The following SLC9A9 variants were observed in gnomAD, a reference collection of about 807,000 sequenced individuals.
SLC9A9 encodes the protein sodium/hydrogen exchanger 9.
In SLC9A9, 62 loss-of-function variants were observed where a neutral mutation model predicts 77.8. That is an observed-to-expected ratio of 0.80 (90% CI 0.65 to 0.98). The LOEUF is 0.98. Among genes scored for constraint, SLC9A9 ranks in the 50% least tolerant of loss-of-function variants. The pLI is 0.00. For missense variants in SLC9A9, 775 were observed against 774.9 expected, an observed-to-expected ratio of 1.00 and a Z score of 0.00; for synonymous variants, 320 against 283.5, an observed-to-expected ratio of 1.13 and a Z score of -1.29.
At chr3:143,343,013 C>T (rs59529984) in intron 14 of SLC9A9, among the ~76,000 whole-genome samples, 2,828 of 152,244 alleles carry the variant, frequency 0.019, 100 homozygotes, top group African/African-American at 0.065. Context: ...GATATCATTG[C>T]TATACATAGC....
chr3:143,751,142 A>C (rs905662869), intron 4 of SLC9A9, among the ~76,000 whole-genome samples: 14 of 152,164 alleles, frequency 9.2e-5, no homozygotes, highest in Non-Finnish European at 1.6e-4. Flanking sequence ...CCATAGTTTG[A>C]TATTGCAGGG....
intron 4 of SLC9A9, among the ~76,000 whole-genome samples, chr3:143,758,939 C>A (rs377151528): frequency 6.6e-6 from 1 of 152,018 alleles, no homozygotes; most frequent in Admixed American, 6.6e-5. Context: ...ATATCTGTAC[C>A]TTTTAATAAT....
At chr3:143,809,136 G>A (rs1294937460) in intron 2 of SLC9A9, among the ~76,000 whole-genome samples, 1 of 152,166 alleles carries the variant, frequency 6.6e-6, no homozygotes, top group Admixed American at 6.5e-5. Context: ...ATGCTTGAGG[G>A]ATGAAGCAGT....
At chr3:143,569,072 G>T (rs1278227042) in intron 8 of SLC9A9, among the ~76,000 whole-genome samples, 1 of 151,684 alleles carries the variant, frequency 6.6e-6, no homozygotes, top group Non-Finnish European at 1.5e-5. Flanking sequence ...TTCCTGGGTG[G>T]GAAGACTTGA....
rs1418576954 is a variant in SLC9A9 at position 143,839,579 on chromosome 3, CACAT to C, written c.176-7362_176-7359del. ...TATAGCACATATGTAAACATACATG[CACAT>C]ACATAGACACAACACACATGCAAGC... On this transcript the variant is annotated intron_variant, in intron 1 of 15. Coordinates refer to ENST00000316549, the MANE Select transcript of SLC9A9 (RefSeq NM_173653.4). Among the ~76,000 whole-genome samples the C allele has an allele frequency of 2.0e-5, 3 of 152,042 alleles. No individual in the cohort carries two copies. The South Asian group carries it at 6.2e-4, about 32-fold the overall frequency.
intron 6 of SLC9A9, among the ~76,000 whole-genome samples, chr3:143,606,434 CTCTATATATATA>C (rs1273644021): frequency 4.2e-4 from 22 of 52,954 alleles, no homozygotes; most frequent in Admixed American, 9.2e-4. Context: ...CTCTCTCTCT[CTCTATATATATA>C]TATATATATA....
chr3:143,771,407 A>G (rs1173158772), intron 4 of SLC9A9, among the ~76,000 whole-genome samples: 1 of 152,214 alleles, frequency 6.6e-6, no homozygotes, highest in Non-Finnish European at 1.5e-5. Flanking sequence ...TTAACCGAAG[A>G]AGGAAGGTGA....
At chr3:143,433,348 A>G (rs182912948) in intron 12 of SLC9A9, among the ~76,000 whole-genome samples, 5 of 152,288 alleles carry the variant, frequency 3.3e-5, no homozygotes, top group Admixed American at 2.6e-4. Flanking sequence ...CATTCAAAAA[A>G]TTGTGATTTT....
At chr3:143,465,822 A>G (rs2035271683) in intron 12 of SLC9A9, among the ~76,000 whole-genome samples, 1 of 152,244 alleles carries the variant, frequency 6.6e-6, no homozygotes, top group Admixed American at 6.5e-5. Context: ...TTATGTGCCT[A>G]GGAAGTAATT....
chr3:143,832,190 A>G lies in SLC9A9; in HGVS notation c.207T>C (p.Ala69=), dbSNP rs112237207. 13 of 1,612,606 alleles carry G rather than the reference A, an allele frequency of 8.1e-6. No individual in the cohort carries two copies. In the African/African-American group the frequency reaches 1.7e-4, roughly 22 times the overall value. ...CACTTTCAATATCAGTTGGTGCTGT[A>G]GCATATCGTAAAATTAGTCCCATTA... ...GLIMGLILRY[A]TAPTDIESGT... The change falls in exon 2 of 16, where the codon GCT becomes GCC. Residue 69 remains alanine (A), a synonymous_variant. Coordinates refer to ENST00000316549, the MANE Select transcript of SLC9A9 (RefSeq NM_173653.4).
chr3:143,669,692 G>A (rs532658800), intron 5 of SLC9A9, among the ~76,000 whole-genome samples: 17 of 152,300 alleles, frequency 1.1e-4, no homozygotes, highest in Non-Finnish European at 2.2e-4. Context: ...ACTTGACTGT[G>A]ATGTCAAACC....
rs151311114 is a variant in SLC9A9 at position 143,309,626 on chromosome 3, G to A, written c.1605-40646C>T. ...TTCTCATGTTTCTGTACTCTAGGGTGAATTCGCAGATGTTCCTTTAAAGGG... is the reference window on the plus strand; with the variant it reads ...TTCTCATGTTTCTGTACTCTAGGGTAAATTCGCAGATGTTCCTTTAAAGGG... On this transcript the variant is annotated intron_variant, in intron 14 of 15. Coordinates refer to ENST00000316549, the MANE Select transcript of SLC9A9 (RefSeq NM_173653.4). Among the ~76,000 whole-genome samples the A allele has an allele frequency of 5.3e-5, 8 of 152,276 alleles. No individual in the cohort carries two copies. The East Asian group carries it at 1.4e-3, about 26-fold the overall frequency.
chr3:143,731,376 A>T lies in SLC9A9; in HGVS notation c.534-38069T>A, dbSNP rs571001480. ...CTAACTAAGGTTGAGTTTGAACTCT[A>T]CTGCTCCTTCCTAGGCCTCTGTAGG... On this transcript the variant is annotated intron_variant, in intron 4 of 15. Transcript: ENST00000316549. Among the ~76,000 whole-genome samples, 5 of 152,284 alleles carry T rather than the reference A, an allele frequency of 3.3e-5. No homozygotes were observed. The East Asian group carries it at 5.8e-4, about 18-fold the overall frequency.
At chr3:143,640,954 C>T (rs777980246) in intron 6 of SLC9A9, among the ~76,000 whole-genome samples, 1 of 152,186 alleles carries the variant, frequency 6.6e-6, no homozygotes, top group Non-Finnish European at 1.5e-5. Flanking sequence ...CTCCATTACA[C>T]AGCATAACAA....
chr3:143,301,555 G>T (rs113119650), intron 14 of SLC9A9, among the ~76,000 whole-genome samples: 5 of 152,332 alleles, frequency 3.3e-5, no homozygotes, highest in African/African-American at 9.6e-5. Flanking sequence ...ATAGCTGGGT[G>T]TTAGGGCCAT....
intron 5 of SLC9A9, among the ~76,000 whole-genome samples, chr3:143,661,188 T>G (rs2038973445): frequency 6.6e-6 from 1 of 152,196 alleles, no homozygotes; most frequent in Non-Finnish European, 1.5e-5. Context: ...CCAAAAGTCA[T>G]AAAGCAGCTC....
intron 14 of SLC9A9, among the ~76,000 whole-genome samples, chr3:143,312,218 G>T (rs1274437003): frequency 2.0e-5 from 3 of 152,202 alleles, no homozygotes; most frequent in Non-Finnish European, 4.4e-5. Flanking sequence ...AAAATGTATT[G>T]CCACAAGGCT....
intron 12 of SLC9A9, among the ~76,000 whole-genome samples, chr3:143,392,518 G>A (rs1488819914): frequency 6.6e-5 from 10 of 151,328 alleles, no homozygotes; most frequent in African/African-American, 9.7e-5. Flanking sequence ...AAAGACCATC[G>A]AGGCTAGGAA....
chr3:143,831,960 A>G, intron 2 of SLC9A9, 59 bp downstream of exon 2: 1 of 1,473,110 alleles, frequency 6.8e-7, no homozygotes, highest in East Asian at 2.4e-5. Context: ...TAAAGGCTCA[A>G]ATATGATACA....
Sources: gnomAD v4.1 joint callset for allele counts (sites outside exome capture counted in the v4.1 genomes callset) on GRCh38, gnomAD v4.1.1 for gene constraint, MANE v1.5 for transcripts, NCBI Gene and HGNC (gene_info 2026-07-23, HGNC 2026-07-21) for gene names.